Variants in SIPA1L2 observed in about 807,000 individuals in gnomAD.
SIPA1L2 encodes signal induced proliferation associated 1 like 2, also known as signal-induced proliferation-associated 1-like protein 2.
In SIPA1L2, 56 loss-of-function variants were observed where a neutral mutation model predicts 163.9. The ratio of observed to expected loss-of-function variants is 0.34; its 90% CI spans 0.28 to 0.43. The LOEUF (loss-of-function observed/expected upper bound fraction) is 0.43, where lower values mean the gene tolerates loss of function less well. Among genes scored for constraint, SIPA1L2 ranks in the 20% least tolerant of loss-of-function variants. The pLI, the probability that SIPA1L2 is intolerant of heterozygous loss-of-function variation, is 1.00. For missense variants in SIPA1L2, 1,974 were observed against 2,193.5 expected, an observed-to-expected ratio of 0.90 and a Z score of 2.00; for synonymous variants, 877 against 865.7, an observed-to-expected ratio of 1.01 and a Z score of -0.23.
At chr1:232,432,138 A>T in intron 16 of SIPA1L2, 109 bp downstream of exon 16, 1 of 863,362 alleles carries the variant, frequency 1.2e-6, no homozygotes, top group Non-Finnish European at 1.8e-6. Flanking sequence ...AGATGTTTTT[A>T]GATTATTCTT....
At chr1:232,403,716 A>G in intron 20 of SIPA1L2, 145 bp from the exon 21 acceptor site, 1 of 1,132,758 alleles carries the variant, frequency 8.8e-7, no homozygotes, top group Non-Finnish European at 1.2e-6. Flanking sequence ...ACAAAGAAAA[A>G]CAAATTCAGG....
chr1:232,528,617 G>A (rs1667832260), intron 2 of SIPA1L2, among the ~76,000 whole-genome samples: 1 of 152,116 alleles, frequency 6.6e-6, no homozygotes, highest in Non-Finnish European at 1.5e-5. Flanking sequence ...GAATTGGACA[G>A]GCCTAGGAAA....
In SIPA1L2 at chr1:232,497,763, G is replaced by A. The variant is rs182849492; in HGVS notation, c.1484-4103C>T. On this transcript the variant is annotated intron_variant, in intron 3 of 22. Transcript: ENST00000674635. ...GCTCCTCCTCTGGCCTCTCCTTACA[G>A]CATGAGTGTTTCTCAAGACTCCAGC... 3.3e-5 allele frequency among the ~76,000 whole-genome samples: 5 copies of A among 152,258 alleles called. No homozygotes were observed. In the East Asian group the frequency reaches 7.7e-4, roughly 24 times the overall value.
chr1:232,515,624 G>A lies in SIPA1L2; in HGVS notation c.-269-16C>T. On this transcript the variant is annotated splice_polypyrimidine_tract_variant and intron_variant, in intron 2 of 22. Coordinates refer to ENST00000674635, the MANE Select transcript of SIPA1L2 (RefSeq NM_020808.5). ...TTTCCTTCACCTGAATTAAGAGATA[G>A]GAAGTAGCCATTAGCAATTAATATG... The A allele has an allele frequency of 2.8e-6, 1 of 354,958 alleles. No individual in the cohort carries two copies. The highest frequency in any genetic ancestry group is 5.1e-6 in the Non-Finnish European group (1 of 197,094). The allele number at this position is 354,958 out of a possible 1,614,324, so 22.0% of individuals were successfully genotyped here.
In SIPA1L2 at chr1:232,461,081, A is replaced by G; in HGVS notation, c.2901T>C (p.Phe967=). The G allele has an allele frequency of 6.2e-7, 1 of 1,614,274 alleles. No individual in the cohort carries two copies. Among genetic ancestry groups the G allele is most frequent in the South Asian group, 1.1e-5 (1 of 91,090 alleles). ...GLGQLGFHVN[F]EGIVADVEPF... ...GTTCCACATCTGCGACAATTCCTTC[A>G]AAATTCACATGGAAGCCAAGCTGGC... The change falls in exon 10 of 23, where the codon TTT becomes TTC. Residue 967 remains phenylalanine, a synonymous_variant. Coordinates refer to ENST00000674635, the MANE Select transcript of SIPA1L2 (RefSeq NM_020808.5).
chr1:232,442,491 T>C (rs1662962246), intron 12 of SIPA1L2, among the ~76,000 whole-genome samples: 2 of 145,648 alleles, frequency 1.4e-5, no homozygotes, highest in Non-Finnish European at 3.0e-5. Flanking sequence ...GAGGTTGCAG[T>C]GAGCCAAGAT....
intron 2 of SIPA1L2, among the ~76,000 whole-genome samples, chr1:232,518,813 C>T (rs530471439): frequency 6.6e-6 from 1 of 152,090 alleles, no homozygotes; most frequent in Non-Finnish European, 1.5e-5. Context: ...ATTTTATCTA[C>T]GGTGCCTGGA....
intron 1 of SIPA1L2, among the ~76,000 whole-genome samples, chr1:232,612,087 C>A (rs1218560205): frequency 1.3e-5 from 2 of 152,202 alleles, no homozygotes; most frequent in Non-Finnish European, 2.9e-5. Context: ...AAGCCTCAAG[C>A]CTTGGCAGCT....
At chr1:232,615,906 T>C (rs1558306623) in intron 1 of SIPA1L2, among the ~76,000 whole-genome samples, 1 of 152,090 alleles carries the variant, frequency 6.6e-6, no homozygotes, top group African/African-American at 2.4e-5. Flanking sequence ...CTGTGTCTGG[T>C]AAAAAAAGAA....
At chr1:232,616,556 G>T (rs1222873394) in intron 1 of SIPA1L2, among the ~76,000 whole-genome samples, 2 of 152,208 alleles carry the variant, frequency 1.3e-5, no homozygotes, top group Non-Finnish European at 2.9e-5. Context: ...GCCCTATGGT[G>T]GCAGACACAG....
At chr1:232,416,544 C>T (rs572026910) in intron 18 of SIPA1L2, among the ~76,000 whole-genome samples, 21 of 152,286 alleles carry the variant, frequency 1.4e-4, no homozygotes, top group African/African-American at 4.3e-4. Flanking sequence ...GCAGGGTTTA[C>T]GTTGCTGTAA....
intron 2 of SIPA1L2, among the ~76,000 whole-genome samples, chr1:232,547,597 C>G (rs1198454117): frequency 2.0e-5 from 1 of 49,210 alleles, no homozygotes; most frequent in Non-Finnish European, 4.2e-5. Flanking sequence ...CTGGGGGGGG[C>G]AGGGTGGGGC....
intron 18 of SIPA1L2, among the ~76,000 whole-genome samples, chr1:232,422,153 T>G (rs992912197): frequency 1.6e-4 from 24 of 152,190 alleles, no homozygotes; most frequent in Non-Finnish European, 2.9e-4. Context: ...TCTTCTGCAA[T>G]CTACCAATGA....
chr1:232,617,503 T>C (rs1662561451), intron 1 of SIPA1L2, among the ~76,000 whole-genome samples: 1 of 152,242 alleles, frequency 6.6e-6, no homozygotes, highest in South Asian at 2.1e-4. Flanking sequence ...AAACCCAGTG[T>C]GGTCATATAA....
intron 1 of SIPA1L2, among the ~76,000 whole-genome samples, chr1:232,607,760 TAA>T (rs1267584055): frequency 6.7e-6 from 1 of 148,158 alleles, no homozygotes; most frequent in African/African-American, 2.5e-5. Context: ...ACCTCTTTTT[TAA>T]AAAAAAAAAA....
intron 7 of SIPA1L2, among the ~76,000 whole-genome samples, chr1:232,475,036 A>T (rs1664971585): frequency 6.6e-6 from 1 of 152,214 alleles, no homozygotes; most frequent in African/African-American, 2.4e-5. Flanking sequence ...AGAGTCAGAG[A>T]AGAGGAAGGT....
At chr1:232,466,034 G>C (rs908501900) in intron 8 of SIPA1L2, among the ~76,000 whole-genome samples, 7 of 152,086 alleles carry the variant, frequency 4.6e-5, no homozygotes. Context: ...AAGCCACCTA[G>C]CCTGTGGCAT....
intron 1 of SIPA1L2, among the ~76,000 whole-genome samples, chr1:232,614,387 G>C (rs766879924): frequency 1.3e-5 from 2 of 152,186 alleles, no homozygotes; most frequent in African/African-American, 2.4e-5. Context: ...AGTTCAGATA[G>C]AGTAGAAACA....
At chr1:232,577,531 T>C (rs1447354059) in intron 1 of SIPA1L2, among the ~76,000 whole-genome samples, 3 of 152,148 alleles carry the variant, frequency 2.0e-5, no homozygotes, top group Non-Finnish European at 2.9e-5. Flanking sequence ...CTCTGGTGGA[T>C]CTGGGCAAAG....
Sources: allele counts gnomAD v4.1 joint callset (sites outside exome capture counted in the v4.1 genomes callset), GRCh38; gene constraint gnomAD v4.1.1; transcripts MANE v1.5; gene names NCBI Gene and HGNC (gene_info 2026-07-23, HGNC 2026-07-21).